SLC13A3: variants seen among roughly 807,000 people sequenced by gnomAD.
The protein encoded by SLC13A3 is Na(+)/dicarboxylate cotransporter 3.
Under a neutral mutation model 59.0 loss-of-function variants are expected in SLC13A3, and 40 were observed. The observed-to-expected ratio is 0.68, with a 90% CI of 0.53 to 0.88. The LOEUF (loss-of-function observed/expected upper bound fraction) is 0.88. SLC13A3 is among the 40% of genes least tolerant of loss of function. SLC13A3 has a pLI of 0.00. For missense variants in SLC13A3, 699 were observed against 783.2 expected (o/e 0.89, Z 1.28); for synonymous variants, 317 against 330.3 (o/e 0.96, Z 0.44).
chr20:46,628,233 T>A (rs1167688121), intron 1 of SLC13A3, among the ~76,000 whole-genome samples: 7 of 152,142 alleles, frequency 4.6e-5, no homozygotes, highest in African/African-American at 1.7e-4. Flanking sequence ...TTGGGAGAGG[T>A]GTCTGATTTT....
At chr20:46,665,112 G>A (rs1877652359) in intron 1 of SLC13A3, among the ~76,000 whole-genome samples, 1 of 151,934 alleles carries the variant, frequency 6.6e-6, no homozygotes, top group African/African-American at 2.4e-5. Context: ...AAGTGAATAT[G>A]TCAATTAGCC....
chr20:46,613,209 C>T (rs16991624), intron 2 of SLC13A3, among the ~76,000 whole-genome samples: 6,171 of 151,670 alleles, frequency 0.041, 452 homozygotes, highest in African/African-American at 0.14. Context: ...GCTCATGTTC[C>T]CAGGTGATTC....
intron 3 of SLC13A3, chr20:46,608,670 C>T: frequency 2.0e-6 from 1 of 507,788 alleles, no homozygotes; most frequent in Non-Finnish European, 3.3e-6. Flanking sequence ...ACTCATGTGA[C>T]TGTCAGTGAG....
At chr20:46,673,218 G>A (rs761144748), upstream of SLC13A3, among the ~76,000 whole-genome samples, 13 of 152,152 alleles carry the variant, frequency 8.5e-5, no homozygotes, top group Non-Finnish European at 5.9e-5. Flanking sequence ...TTTAGCACAG[G>A]ACCAGGTACC....
intron 1 of SLC13A3, among the ~76,000 whole-genome samples, chr20:46,614,371 T>C (rs1271881693): frequency 1.3e-5 from 2 of 152,208 alleles, no homozygotes; most frequent in Non-Finnish European, 2.9e-5. Context: ...TGAGGGCTGA[T>C]ACTGGGAGCA....
chr20:46,572,732 T>A (rs1600502043), intron 10 of SLC13A3, among the ~76,000 whole-genome samples: 1 of 152,240 alleles, frequency 6.6e-6, no homozygotes, highest in African/African-American at 2.4e-5. Context: ...TTAATGATCA[T>A]GGCAACTTTA....
chr20:46,652,674 T>C (rs1282373518), upstream of SLC13A3, among the ~76,000 whole-genome samples: 1 of 151,788 alleles, frequency 6.6e-6, no homozygotes, highest in Non-Finnish European at 1.5e-5. Flanking sequence ...GGATTACAGG[T>C]GTGCGTCACC....
intron 1 of SLC13A3, among the ~76,000 whole-genome samples, chr20:46,627,563 G>T (rs2122798273): frequency 6.6e-6 from 1 of 152,068 alleles, no homozygotes; most frequent in East Asian, 1.9e-4. Context: ...TTGAAATTTT[G>T]CTTCTATGTG....
At chr20:46,597,729 G>C (rs772543979) in intron 4 of SLC13A3, among the ~76,000 whole-genome samples, 1 of 152,150 alleles carries the variant, frequency 6.6e-6, no homozygotes, top group African/African-American at 2.4e-5. Flanking sequence ...AAGCCACCGC[G>C]GTAAAAATGC....
chr20:46,616,064 G>T (rs1316057646), intron 1 of SLC13A3, among the ~76,000 whole-genome samples: 1 of 152,124 alleles, frequency 6.6e-6, no homozygotes, highest in Non-Finnish European at 1.5e-5. Context: ...ACTAAAGGTT[G>T]AAAGCAAAAA....
At chr20:46,621,710 T>C (rs1295149174) in intron 1 of SLC13A3, among the ~76,000 whole-genome samples, 1 of 152,136 alleles carries the variant, frequency 6.6e-6, no homozygotes, top group Admixed American at 6.5e-5. Flanking sequence ...TCTTAAGCAA[T>C]CTCTGTGTGG....
Position 46,651,392 on chromosome 20 carries a change from C to T in SLC13A3, c.30G>A (p.Lys10=). 2 of 1,501,086 alleles carry T rather than the reference C, an allele frequency of 1.3e-6. No individual in the cohort carries two copies. Among genetic ancestry groups the T allele is most frequent in the Non-Finnish European group, 1.8e-6 (2 of 1,129,590 alleles). The allele number at this position is 1,501,086 out of a possible 1,614,324, so 93.0% of individuals were successfully genotyped here. A position where few individuals can be genotyped will look rare whatever the true frequency, so the allele number is the denominator to read the frequency against. The part of the protein sequence containing the change: MAALAAAAK[K]VWSARRLLVL... ...CCAGCAGCCGCCGCGCGCTCCACAC[C>T]TTCTTGGCCGCTGCTGCCAGCGCCG... The change falls in exon 1 of 13, where the codon AAG becomes AAA. Residue 10 remains lysine, a synonymous_variant. Transcript: ENST00000279027.
At chr20:46,645,988 A>G (rs959955672) in intron 1 of SLC13A3, among the ~76,000 whole-genome samples, 1 of 152,198 alleles carries the variant, frequency 6.6e-6, no homozygotes, top group African/African-American at 2.4e-5. Context: ...AAATGATGTG[A>G]GTGGTATTTG....
At chr20:46,635,086 A>T (rs2062782859) in intron 1 of SLC13A3, among the ~76,000 whole-genome samples, 1 of 152,210 alleles carries the variant, frequency 6.6e-6, no homozygotes, top group African/African-American at 2.4e-5. Flanking sequence ...GGGACCAAGG[A>T]TCAGTCTCCT....
intron 9 of SLC13A3, 163 bp downstream of exon 9, chr20:46,583,409 G>T (rs2062158364): frequency 7.1e-7 from 1 of 1,415,142 alleles, no homozygotes; most frequent in Non-Finnish European, 9.2e-7. Flanking sequence ...CTACCACCTG[G>T]GGCAGCCCTC....
chr20:46,664,333 A>C (rs2122918972), intron 1 of SLC13A3, among the ~76,000 whole-genome samples: 1 of 152,320 alleles, frequency 6.6e-6, no homozygotes. Flanking sequence ...GTTAGTACAG[A>C]ATCTTGACAC....
At chr20:46,580,631 T>C (rs569116452) in intron 9 of SLC13A3, among the ~76,000 whole-genome samples, 45 of 152,066 alleles carry the variant, frequency 3.0e-4, no homozygotes, top group African/African-American at 1.1e-3. Context: ...ATTTTCTAAG[T>C]GAGAAAGTAA....
intron 1 of SLC13A3, among the ~76,000 whole-genome samples, chr20:46,648,863 C>A (rs957727725): frequency 6.6e-6 from 1 of 151,664 alleles, no homozygotes; most frequent in African/African-American, 2.4e-5. Context: ...CAAGATCGTG[C>A]CACTGCACTC....
intron 10 of SLC13A3, among the ~76,000 whole-genome samples, chr20:46,575,092 G>A (rs2062061975): frequency 6.6e-6 from 1 of 152,080 alleles, no homozygotes; most frequent in African/African-American, 2.4e-5. Context: ...AGTGAGCTGT[G>A]TTGGCACCAC....
Sources: gnomAD v4.1 joint callset for allele counts (sites outside exome capture counted in the v4.1 genomes callset) on GRCh38, gnomAD v4.1.1 for gene constraint, MANE v1.5 for transcripts, NCBI Gene and HGNC (gene_info 2026-07-23, HGNC 2026-07-21) for gene names.